The following WDR17 variants were observed in gnomAD, a reference collection of about 807,000 sequenced individuals.
The protein encoded by WDR17 is WD repeat-containing protein 17.
In WDR17, 143 loss-of-function variants were observed where a neutral mutation model predicts 161.7. That is an observed-to-expected ratio of 0.88 (90% CI 0.77 to 1.02). The LOEUF (loss-of-function observed/expected upper bound fraction) is 1.02. Ranked by LOEUF, WDR17 falls within the 50% of genes least tolerant of loss-of-function variation. The probability of loss-of-function intolerance (pLI) is 0.00; values close to 1 mark genes in which losing one functional copy is unlikely to be tolerated. For synonymous variants in WDR17, 517 were observed against 515.6 expected (o/e 1.00, Z -0.04); for missense variants, 1,469 against 1,520.9 (o/e 0.97, Z 0.57).
chr4:176,092,988 G>A (rs1380251013), intron 1 of WDR17, among the ~76,000 whole-genome samples: 1 of 152,154 alleles, frequency 6.6e-6, no homozygotes, highest in Admixed American at 6.5e-5. Context: ...GTTGCAGTGA[G>A]CCCAGATTGT....
At chr4:176,068,422 A>G (rs1732793926) in intron 1 of WDR17, 1 of 152,120 alleles carries the variant, frequency 6.6e-6, no homozygotes, top group African/African-American at 2.4e-5. Context: ...CAACATGGTG[A>G]AACCCCATGT....
chr4:176,177,846 C>T (rs1379521254), intron 28 of WDR17, among the ~76,000 whole-genome samples, 192 bp downstream of exon 28: 1 of 151,604 alleles, frequency 6.6e-6, no homozygotes, highest in Non-Finnish European at 1.5e-5. Flanking sequence ...AATTCAAATA[C>T]AAGCATTGTA....
In WDR17 at chr4:176,149,974, G is replaced by A. The variant is rs1323564299; in HGVS notation, c.2047+18G>A. ...GAACACTGGTATGGAACATATACATGTATTAGAGTTTATTTCTAAATAAGT... is the reference window on the plus strand; with the variant it reads ...GAACACTGGTATGGAACATATACATATATTAGAGTTTATTTCTAAATAAGT... On this transcript the variant is annotated intron_variant, in intron 14 of 28. Transcript: ENST00000508596. The A allele has an allele frequency of 5.6e-6, 9 of 1,610,324 alleles. No individual in the cohort carries two copies. Among genetic ancestry groups the A allele is most frequent in the Non-Finnish European group, 7.6e-6 (9 of 1,179,010 alleles).
At chr4:176,111,410 A>C (rs573812503) in intron 1 of WDR17, 165 bp from the exon 2 acceptor site, 57 of 548,930 alleles carry the variant, frequency 1.0e-4, no homozygotes, top group African/African-American at 1.0e-3. Flanking sequence ...GCAGACATTT[A>C]GGGAGTTCAA....
rs749859988 is a variant in WDR17, at chr4:176,177,075, G to A, written c.3467G>A (p.Arg1156Gln). 2.0e-5 allele frequency: 33 copies of A among 1,613,550 alleles called. No individual in the cohort carries two copies. In the South Asian group the frequency reaches 3.3e-4, roughly 16 times the overall value. ...YEYTSQLLKR[R>Q]EVSVPLKIEY... is the part of the protein sequence containing the mutation. ...ACGTTCAGTCAGCTATTAAAACGTC[G>A]GGAGGTGTCAGTACCTTTAAAAATT... The change falls in exon 27 of 29, where the codon CGG (arginine) becomes CAG (glutamine). Residue 1156 changes from arginine to glutamine, a missense_variant. Physicochemically the swap from Arg to Gln is conservative, Grantham distance 43 (BLOSUM62 1). Transcript: ENST00000508596.
chr4:176,174,812 A>G (rs922926460), intron 26 of WDR17, 94 bp downstream of exon 26: 4 of 696,318 alleles, frequency 5.7e-6, no homozygotes, highest in Non-Finnish European at 9.4e-6. Flanking sequence ...TATCAAATAT[A>G]TTATTACAAG....
intron 1 of WDR17, among the ~76,000 whole-genome samples, chr4:176,102,077 G>A (rs891224091): frequency 7.2e-5 from 11 of 152,168 alleles, no homozygotes; most frequent in Non-Finnish European, 1.2e-4. Context: ...GAATAAGAAG[G>A]CAAGCCACAG....
In WDR17 at chr4:176,177,224, GTATGTGTGGTCTCATTAATTTT is replaced by G. The variant is rs1561225069; in HGVS notation, c.3548+69_3548+90del. 7 of 1,355,750 alleles carry G rather than the reference GTATGTGTGGTCTCATTAATTTT, an allele frequency of 5.2e-6. No homozygotes were observed. In the African/African-American group the frequency reaches 8.7e-5, roughly 17 times the overall value. 84.0% of individuals were successfully genotyped at this position (1,355,750 alleles called of 1,614,324 possible). A position where few individuals can be genotyped will look rare whatever the true frequency, so the allele number is the denominator to read the frequency against. ...GATGTTATAGACAAACTTGTTGGAAGTATGTGTGGTCTCATTAATTTTAGCAGAATAATGAATCTTGATTTGT... is the reference window on the plus strand; with the variant it reads ...GATGTTATAGACAAACTTGTTGGAAGAGCAGAATAATGAATCTTGATTTGT... On this transcript the variant is annotated intron_variant, in intron 27 of 28. Transcript: ENST00000508596.
At chr4:176,171,078 C>T (rs1180340227) in intron 23 of WDR17, among the ~76,000 whole-genome samples, 3 of 152,066 alleles carry the variant, frequency 2.0e-5, no homozygotes, top group Non-Finnish European at 2.9e-5. Context: ...AAGTGAAAAA[C>T]AGAATGGTGG....
chr4:176,068,808 G>A (rs1732849183), intron 1 of WDR17, among the ~76,000 whole-genome samples: 10 of 152,066 alleles, frequency 6.6e-5, no homozygotes, highest in Admixed American at 5.9e-4. Context: ...AAATTTGTGA[G>A]CAAGAAATTA....
Position 176,150,077 on chromosome 4 carries a change from G to A in WDR17, c.2082G>A (p.Leu694=), listed in dbSNP as rs771514702. The A allele has an allele frequency of 1.2e-6, 2 of 1,613,894 alleles. No individual in the cohort carries two copies. The highest frequency in any genetic ancestry group is 1.7e-6 in the Non-Finnish European group (2 of 1,179,976). ...YAIEPGTPPL[L]CGKVSRDIRQ... is the part of the protein sequence containing the mutation. ...TAGAACCAGGCACTCCTCCTCTACT[G>A]TGTGGTAAAGTGTCAAGAGATATTA... Residue 694 remains leucine, a synonymous_variant, in exon 15 of 29, where the codon CTG becomes CTA. Coordinates refer to ENST00000508596, the MANE Select transcript of WDR17 (RefSeq NM_181265.4).
chr4:176,072,824 C>A (rs765350255), intron 1 of WDR17, among the ~76,000 whole-genome samples: 3 of 152,132 alleles, frequency 2.0e-5, no homozygotes, highest in Non-Finnish European at 2.9e-5. Flanking sequence ...AAAAATTACA[C>A]AATTCAGAAG....
chr4:176,101,257 A>G (rs891099242), intron 1 of WDR17, among the ~76,000 whole-genome samples: 3 of 152,124 alleles, frequency 2.0e-5, no homozygotes, highest in African/African-American at 7.2e-5. Flanking sequence ...GGCTGGGGGT[A>G]CTGAGAAGCA....
At chr4:176,085,131 C>T (rs1735266269) in intron 1 of WDR17, among the ~76,000 whole-genome samples, 1 of 151,850 alleles carries the variant, frequency 6.6e-6, no homozygotes, top group African/African-American at 2.4e-5. Flanking sequence ...ACTTTTCATA[C>T]ATAAAAAAAA....
At chr4:176,169,693 A>G (rs1357680835) in intron 23 of WDR17, among the ~76,000 whole-genome samples, 1 of 152,020 alleles carries the variant, frequency 6.6e-6, no homozygotes, top group Non-Finnish European at 1.5e-5. Flanking sequence ...AGCAACAGAT[A>G]TTTTCTGAGT....
rs546412172 is a variant in WDR17 at position 176,138,837 on chromosome 4, C to T, written c.1360-1055C>T. Among the ~76,000 whole-genome samples the T allele has an allele frequency of 2.0e-3, 304 of 151,758 alleles. 1 individual carries two copies. The highest frequency in any genetic ancestry group is 5.6e-3 in the African/African-American group (232 of 41,456). On this transcript the variant is annotated intron_variant, in intron 9 of 28. Transcript: ENST00000508596. ...TTATGTCTTTCCCAACATTCACTAG[C>T]GAAATTGCTTAAATCCTATGTCATA...
intron 11 of WDR17, among the ~76,000 whole-genome samples, chr4:176,144,789 A>G (rs556613328): frequency 3.9e-5 from 6 of 152,146 alleles, no homozygotes; most frequent in Non-Finnish European, 8.8e-5. Flanking sequence ...GTTTATTTAT[A>G]AGGTATCTCT....
intron 7 of WDR17, among the ~76,000 whole-genome samples, chr4:176,133,774 A>G (rs1456017499): frequency 6.6e-6 from 1 of 151,590 alleles, no homozygotes. Context: ...TTAAAATCTT[A>G]CATAATTTTA....
At chr4:176,099,509 C>T (rs1737445208) in intron 1 of WDR17, among the ~76,000 whole-genome samples, 1 of 152,082 alleles carries the variant, frequency 6.6e-6, no homozygotes, top group Non-Finnish European at 1.5e-5. Context: ...AGAAGAATAT[C>T]CTCTTGCTTC....
Sources: gnomAD v4.1 joint callset for allele counts (sites outside exome capture counted in the v4.1 genomes callset) on GRCh38, gnomAD v4.1.1 for gene constraint, MANE v1.5 for transcripts, NCBI Gene and HGNC (gene_info 2026-07-23, HGNC 2026-07-21) for gene names.